Variants in FMN1 observed in about 807,000 individuals in gnomAD.
The protein encoded by FMN1 is formin-1.
A neutral mutation model predicts 132.4 loss-of-function variants in FMN1; 110 were observed. The ratio of observed to expected loss-of-function variants is 0.83; its 90% CI spans 0.71 to 0.97. FMN1 has a LOEUF of 0.97. Among genes scored for constraint, FMN1 ranks in the 50% least tolerant of loss-of-function variants. The pLI, the probability that FMN1 is intolerant of heterozygous loss-of-function variation, is 0.00. For missense variants in FMN1, 1,792 were observed against 1,705.3 expected (o/e 1.05, Z -0.90); for synonymous variants, 722 against 651.7 (o/e 1.11, Z -1.64).
chr15:32,835,859 TTTA>T (rs1171545219), intron 17 of FMN1, among the ~76,000 whole-genome samples: 2 of 152,054 alleles, frequency 1.3e-5, no homozygotes, highest in African/African-American at 2.4e-5. Flanking sequence ...CTGTTTTTAT[TTTA>T]TTATTATTAT....
At chr15:32,868,073 A>G (rs2059434283) in intron 16 of FMN1, among the ~76,000 whole-genome samples, 1 of 152,256 alleles carries the variant, frequency 6.6e-6, no homozygotes, top group Admixed American at 6.5e-5. Context: ...ATTTGGCTGT[A>G]GTACATGTAC....
chr15:32,801,789 C>A (rs2057491203), intron 18 of FMN1, among the ~76,000 whole-genome samples: 1 of 151,250 alleles, frequency 6.6e-6, no homozygotes, highest in Non-Finnish European at 1.5e-5. Flanking sequence ...AATGAGACTC[C>A]GTCTCAAAAA....
At chr15:33,069,874 A>T (rs1238016506) in intron 5 of FMN1, among the ~76,000 whole-genome samples, 1 of 152,056 alleles carries the variant, frequency 6.6e-6, no homozygotes, top group Non-Finnish European at 1.5e-5. Context: ...GGTGTCTTTT[A>T]AGTCTAAGAA....
At position 32,969,161 on chromosome 15, in the gene FMN1, T is replaced by A; in HGVS notation, c.2540A>T (p.His847Leu). 6.2e-7 allele frequency: 1 copy of A among 1,613,922 alleles called. No homozygotes were observed. The highest frequency in any genetic ancestry group is 1.1e-5 in the South Asian group (1 of 91,076). The stretch of plus-strand genomic sequence containing the variant: ...CTGGAGTGCTGCATGGATGTCTTTG[T>A]GGTCATTTGGGGGTGAGAGCTGGCT... ...SLSQLSPPND[H>L]KDIHAALQPM... The change falls in exon 8 of 21, where the codon CAC (histidine) becomes CTC (leucine). Residue 847 changes from histidine to leucine, a missense_variant. This residue lies in a region of FMN1 where 1,150 missense variants were observed against 1,043.1 expected (regional missense o/e 1.10). Transcript: ENST00000616417.
intron 10 of FMN1, among the ~76,000 whole-genome samples, chr15:32,919,336 T>C (rs2060763838): frequency 6.6e-6 from 1 of 152,094 alleles, no homozygotes; most frequent in South Asian, 2.1e-4. Flanking sequence ...TCTTCATCAG[T>C]TATGGAAGTG....
rs1021710792 is a variant in FMN1, at chr15:33,127,046, G to C, written c.1867+26002C>G. On this transcript the variant is annotated intron_variant, in intron 4 of 20. Transcript: ENST00000616417. ...AACTGCAAGATGCATGTTGCAAAAA[G>C]ACATATTAAGCTTTCTGCTGTTTTC... Among the ~76,000 whole-genome samples the C allele has an allele frequency of 1.3e-5, 2 of 151,714 alleles. 1 individual carries two copies. Among genetic ancestry groups the C allele is most frequent in the South Asian group, 4.1e-4 (2 of 4,832 alleles).
At chr15:32,814,973 C>T (rs12906786) in intron 17 of FMN1, among the ~76,000 whole-genome samples, 29,809 of 151,968 alleles carry the variant, frequency 0.2, 3,730 homozygotes, top group Admixed American at 0.3. Flanking sequence ...GACAGAGTCT[C>T]GCTCTGTCGC....
chr15:33,145,196 G>A (rs1424043784), intron 4 of FMN1, among the ~76,000 whole-genome samples: 1 of 151,942 alleles, frequency 6.6e-6, no homozygotes, highest in Admixed American at 6.6e-5. Context: ...GGTGCCTCTT[G>A]ATGCTTCCAA....
chr15:33,005,942 TTTTG>T (rs2034392643), intron 7 of FMN1, among the ~76,000 whole-genome samples: 1 of 152,188 alleles, frequency 6.6e-6, no homozygotes, highest in African/African-American at 2.4e-5. Context: ...TTTTCCACTT[TTTTG>T]TTTCTTTGTG....
At chr15:32,879,613 A>G (rs940771176) in intron 16 of FMN1, among the ~76,000 whole-genome samples, 2 of 151,814 alleles carry the variant, frequency 1.3e-5, no homozygotes, top group African/African-American at 4.8e-5. Context: ...GCCTCATCTG[A>G]CCCTTTCAAT....
intron 2 of FMN1, among the ~76,000 whole-genome samples, chr15:33,184,005 T>C (rs1217367146): frequency 6.6e-6 from 1 of 152,206 alleles, no homozygotes; most frequent in Admixed American, 6.5e-5. Context: ...CTCAAGGATA[T>C]ATCTTGAAAT....
chr15:32,982,163 C>T (rs930519022), intron 7 of FMN1, among the ~76,000 whole-genome samples: 2 of 152,180 alleles, frequency 1.3e-5, no homozygotes, highest in Non-Finnish European at 2.9e-5. Flanking sequence ...GTCATCTCAA[C>T]AGGAAGACAC....
At position 32,826,599 on chromosome 15, in the gene FMN1, G is replaced by A. The variant is rs542203949; in HGVS notation, c.3929-22267C>T. ...CCAGGAAAGTAGTGAGAACAACAAG[G>A]GAGTCTCTCTTCATCTATGTTTAAT... On this transcript the variant is annotated intron_variant, in intron 17 of 20. Coordinates refer to ENST00000616417, the MANE Select transcript of FMN1 (RefSeq NM_001277313.2). 2.0e-5 allele frequency among the ~76,000 whole-genome samples: 3 copies of A among 152,226 alleles called. No individual in the cohort carries two copies. In the South Asian group the frequency reaches 6.2e-4, roughly 32 times the overall value.
intron 4 of FMN1, among the ~76,000 whole-genome samples, chr15:33,121,693 T>C (rs1348530653): frequency 1.3e-5 from 2 of 152,084 alleles, no homozygotes; most frequent in East Asian, 3.9e-4. Flanking sequence ...CATGCCCAGC[T>C]TCTTTTTGTA....
At chr15:32,846,435 A>G (rs920273917) in intron 17 of FMN1, among the ~76,000 whole-genome samples, 2 of 152,168 alleles carry the variant, frequency 1.3e-5, no homozygotes, top group Non-Finnish European at 2.9e-5. Context: ...TTCTCAAGAC[A>G]TTTATGCGGC....
At chr15:33,070,702 C>A (rs2037965454) in intron 5 of FMN1, among the ~76,000 whole-genome samples, 1 of 152,012 alleles carries the variant, frequency 6.6e-6, no homozygotes. Flanking sequence ...AGGTAAGCAA[C>A]CATAGCTGAG....
intron 4 of FMN1, among the ~76,000 whole-genome samples, chr15:33,105,044 T>C (rs2039432511): frequency 6.6e-6 from 1 of 152,106 alleles, no homozygotes; most frequent in African/African-American, 2.4e-5. Context: ...GCTGGGGAGC[T>C]ATCTCACTAC....
At chr15:32,899,691 T>C in intron 14 of FMN1, 1 of 439,184 alleles carries the variant, frequency 2.3e-6, no homozygotes, top group South Asian at 2.8e-5. Flanking sequence ...TGCTATCTGT[T>C]TTGTTCTCTC....
chr15:33,170,845 A>G (rs1965293078), intron 3 of FMN1, among the ~76,000 whole-genome samples: 1 of 152,168 alleles, frequency 6.6e-6, no homozygotes, highest in South Asian at 2.1e-4. Flanking sequence ...AGAAACTACC[A>G]TATGATCTAG....
Sources: gnomAD v4.1 joint callset for allele counts (sites outside exome capture counted in the v4.1 genomes callset) on GRCh38, gnomAD v4.1.1 for gene constraint, gnomAD v4.1.1 regional missense constraint, MANE v1.5 for transcripts, NCBI Gene and HGNC (gene_info 2026-07-23, HGNC 2026-07-21) for gene names.